FRMPD1: variants seen among roughly 807,000 people sequenced by gnomAD.
The protein encoded by FRMPD1 is FERM and PDZ domain containing 1, also known as FERM and PDZ domain-containing protein 1.
In FRMPD1, 76 loss-of-function variants were observed where a neutral mutation model predicts 117.8. That is an observed-to-expected ratio of 0.65 (90% confidence interval 0.54 to 0.78). FRMPD1 has a LOEUF of 0.78. Among genes scored for constraint, FRMPD1 ranks in the 30% least tolerant of loss-of-function variants. FRMPD1 has a pLI of 0.00. For synonymous variants in FRMPD1, 783 were observed against 770.4 expected, an observed-to-expected ratio of 1.02 and a Z score of -0.27; for missense variants, 1,786 against 1,964.5, an observed-to-expected ratio of 0.91 and a Z score of 1.72.
the FRMPD1 span, among the ~76,000 whole-genome samples, chr9:37,643,266 A>G: frequency 3.9e-5 from 6 of 151,996 alleles, no homozygotes; most frequent in Non-Finnish European, 7.4e-5. Context: ...CTTTTTTTCT[A>G]TTATATTTTG....
intron 12 of FRMPD1, 43 bp downstream of exon 12, chr9:37,733,868 C>T: frequency 1.9e-6 from 2 of 1,030,982 alleles, no homozygotes; most frequent in Middle Eastern, 2.3e-4. Flanking sequence ...CGTAAGGGAC[C>T]TTAGAGATCC....
chr9:37,716,472 G>A (rs1207850364), intron 5 of FRMPD1, among the ~76,000 whole-genome samples: 1 of 152,140 alleles, frequency 6.6e-6, no homozygotes, highest in East Asian at 1.9e-4. Flanking sequence ...TTCCTGTCAG[G>A]GAACCTCCTC....
At chr9:37,665,429 A>G (rs751340321) in intron 1 of FRMPD1, among the ~76,000 whole-genome samples, 10 of 152,378 alleles carry the variant, frequency 6.6e-5, no homozygotes, top group Admixed American at 2.6e-4. Context: ...CACATCATTT[A>G]TCTTGCAAAT....
chr9:37,604,555 T>C, the FRMPD1 span, among the ~76,000 whole-genome samples: 1 of 152,258 alleles, frequency 6.6e-6, no homozygotes, highest in Non-Finnish European at 1.5e-5. Flanking sequence ...CTTCCAAATC[T>C]GGTCCTCCTT....
rs529789385 is a variant in FRMPD1 at position 37,669,990 on chromosome 9, T to C, written c.-5+18896T>C. 11 of 139,166 alleles carry C rather than the reference T, an allele frequency of 7.9e-5. No individual in the cohort carries two copies. In the East Asian group the frequency reaches 2.1e-3, roughly 26 times the overall value. The allele number at this position is 139,166 out of a possible 1,614,324, so 8.6% of individuals were successfully genotyped here. A position where few individuals can be genotyped will look rare whatever the true frequency, so the allele number is the denominator to read the frequency against. The stretch of plus-strand genomic sequence containing the variant: ...CCTGGGCAACAAGAGCAAAACTCTC[T>C]CTCAAAAAAAAAAAAAGAAAAGAAA... On this transcript the variant is annotated intron_variant, in intron 1 of 15. Coordinates refer to ENST00000377765, the MANE Select transcript of FRMPD1 (RefSeq NM_014907.3).
chr9:37,684,580 G>T (rs1415458989), intron 1 of FRMPD1, among the ~76,000 whole-genome samples: 1 of 152,184 alleles, frequency 6.6e-6, no homozygotes, highest in Non-Finnish European at 1.5e-5. Flanking sequence ...AGAGTAAGGA[G>T]ACTGGCTGGG....
At chr9:37,643,409 C>G in the FRMPD1 span, among the ~76,000 whole-genome samples, 1 of 152,050 alleles carries the variant, frequency 6.6e-6, no homozygotes, top group Non-Finnish European at 1.5e-5. Flanking sequence ...TGGTTTGGTA[C>G]TGTGGGGTAG....
chr9:37,730,643 T>G (rs1199847498), intron 8 of FRMPD1, among the ~76,000 whole-genome samples: 1 of 152,178 alleles, frequency 6.6e-6, no homozygotes, highest in Non-Finnish European at 1.5e-5. Context: ...TATATTATTA[T>G]TTGTGGAAGA....
intron 2 of FRMPD1, among the ~76,000 whole-genome samples, chr9:37,706,980 A>G (rs1822730024): frequency 6.6e-6 from 1 of 152,032 alleles, no homozygotes; most frequent in African/African-American, 2.4e-5. Context: ...CCATCCATTC[A>G]TTCATTGATT....
chr9:37,744,355 C>G, intron 15 of FRMPD1, 34 bp from the exon 16 acceptor site: 1 of 1,480,560 alleles, frequency 6.8e-7, no homozygotes, highest in Non-Finnish European at 9.1e-7. Flanking sequence ...TTTTTTTGTG[C>G]TTTTTAATGT....
At chr9:37,743,446 A>G (rs1052252672) in intron 15 of FRMPD1, among the ~76,000 whole-genome samples, 1 of 149,936 alleles carries the variant, frequency 6.7e-6, no homozygotes, top group African/African-American at 2.5e-5. Flanking sequence ...ATAGACAGCA[A>G]CCAGGCTAAG....
At chr9:37,632,507 TCA>T in the FRMPD1 span, among the ~76,000 whole-genome samples, 145 of 152,344 alleles carry the variant, frequency 9.5e-4, 2 homozygotes, top group East Asian at 0.024. Context: ...TTTCTCTATC[TCA>T]GTTTTCCTCT....
In FRMPD1 at chr9:37,711,396, G is replaced by T; in HGVS notation, c.408+1G>T. 1 of 1,602,214 alleles carries T rather than the reference G, an allele frequency of 6.2e-7. No individual in the cohort carries two copies. The highest frequency in any genetic ancestry group is 8.6e-7 in the Non-Finnish European group (1 of 1,169,136). On this transcript the variant is annotated splice_donor_variant, in intron 5 of 15. Coordinates refer to ENST00000377765, the MANE Select transcript of FRMPD1 (RefSeq NM_014907.3). LOFTEE classifies it high-confidence loss of function. The stretch of plus-strand genomic sequence containing the variant: ...AATCACAGTTGTTCGCTGCACGTCG[G>T]TAAATCTCTTTCTATGTCCTGTGTG...
At chr9:37,617,631 C>T in the FRMPD1 span, among the ~76,000 whole-genome samples, 2 of 152,184 alleles carry the variant, frequency 1.3e-5, no homozygotes, top group African/African-American at 4.8e-5. Context: ...TGACCGGATT[C>T]GGGAGACACT....
the FRMPD1 span, among the ~76,000 whole-genome samples, chr9:37,604,805 A>T: frequency 6.6e-6 from 1 of 152,136 alleles, no homozygotes; most frequent in East Asian, 1.9e-4. Context: ...AACCAGGGAG[A>T]ATGAAGGGAA....
chr9:37,691,933 G>C (rs1822152726), intron 1 of FRMPD1, among the ~76,000 whole-genome samples: 1 of 152,134 alleles, frequency 6.6e-6, no homozygotes, highest in African/African-American at 2.4e-5. Flanking sequence ...GAAAAGAAAA[G>C]AAACTCTGGA....
rs774814915 is a variant in FRMPD1 at position 37,746,158 on chromosome 9, G to A, written c.4126G>A (p.Val1376Met). Residue 1376 changes from valine (V) to methionine (M), a missense_variant, in exon 16 of 16, where the codon GTG (valine) becomes ATG (methionine). By Grantham distance (21) the Val-to-Met change is conservative. Coordinates refer to ENST00000377765, the MANE Select transcript of FRMPD1 (RefSeq NM_014907.3). ...CTCACCGCCCTCTGCGGGAAGCCCG[G>A]TGGTTCTGCCCTGGAGGCCTGCCCG... Reference protein sequence around the residue: ...LTSPPSAGSPVVLPWRPARAH... With the variant: ...LTSPPSAGSPMVLPWRPARAH... The A allele has an allele frequency of 6.2e-7, 1 of 1,613,892 alleles. No homozygotes were observed. The highest frequency in any genetic ancestry group is 8.5e-7 in the Non-Finnish European group (1 of 1,180,018).
At chr9:37,655,572 C>T (rs571097764) in intron 1 of FRMPD1, among the ~76,000 whole-genome samples, 2 of 144,838 alleles carry the variant, frequency 1.4e-5, no homozygotes, top group South Asian at 2.2e-4. Context: ...GGTGCGATCT[C>T]GGCTCACTGC....
intron 1 of FRMPD1, among the ~76,000 whole-genome samples, chr9:37,680,656 A>G (rs1821695401): frequency 6.6e-6 from 1 of 152,160 alleles, no homozygotes; most frequent in Non-Finnish European, 1.5e-5. Context: ...TCTGGTGTGC[A>G]AGGCAAGGTG....
Sources: allele counts gnomAD v4.1 joint callset (sites outside exome capture counted in the v4.1 genomes callset), GRCh38; gene constraint gnomAD v4.1.1; transcripts MANE v1.5; gene names NCBI Gene and HGNC (gene_info 2026-07-23, HGNC 2026-07-21).